Variants in CHRM5 observed in about 807,000 individuals in gnomAD.
The protein encoded by CHRM5 is muscarinic acetylcholine receptor M5.
In CHRM5, 18 loss-of-function variants were observed where a neutral mutation model predicts 39.0. The observed-to-expected ratio is 0.46, with a 90% CI of 0.32 to 0.68. The LOEUF (loss-of-function observed/expected upper bound fraction) is 0.68, where lower values mean the gene tolerates loss of function less well. Ranked by LOEUF, CHRM5 falls within the 30% of genes least tolerant of loss-of-function variation. The pLI, the probability that CHRM5 is intolerant of heterozygous loss-of-function variation, is 0.04. For missense variants in CHRM5, 515 were observed against 651.1 expected, an observed-to-expected ratio of 0.79 and a Z score of 2.28; for synonymous variants, 241 against 246.3, an observed-to-expected ratio of 0.98 and a Z score of 0.20.
chr15:33,987,801 C>G (rs73385793), intron 1 of CHRM5, among the ~76,000 whole-genome samples: 1 of 152,160 alleles, frequency 6.6e-6, no homozygotes, highest in Non-Finnish European at 1.5e-5. Context: ...TCATAATCAG[C>G]GCTGCATGCA....
At chr15:34,009,851 T>C (rs911808507) in intron 1 of CHRM5, among the ~76,000 whole-genome samples, 2 of 152,074 alleles carry the variant, frequency 1.3e-5, no homozygotes, top group Non-Finnish European at 2.9e-5. Flanking sequence ...TAGCTGAGCA[T>C]GGTGGCATGA....
intron 1 of CHRM5, among the ~76,000 whole-genome samples, chr15:33,969,771 G>A (rs1474756453): frequency 6.6e-6 from 1 of 151,980 alleles, no homozygotes; most frequent in East Asian, 1.9e-4. Context: ...TTCAACAAGA[G>A]GATAAAAAGA....
In CHRM5 at chr15:33,983,200, G is replaced by GTATATATA. The variant is rs769965010; in HGVS notation, c.-408+14057_-408+14064dup. Among the ~76,000 whole-genome samples the GTATATATA allele has an allele frequency of 9.4e-5, 6 of 63,960 alleles. No homozygotes were observed. The East Asian group carries it at 2.2e-3, about 24-fold the overall frequency. 42.0% of individuals were successfully genotyped at this position (63,960 alleles called of 152,430 possible). A position where few individuals can be genotyped will look rare whatever the true frequency, so the allele number is the denominator to read the frequency against. On this transcript the variant is annotated intron_variant, in intron 1 of 2. Transcript: ENST00000383263. ...TATACACACGTGTGTGTATGTGTGTGTATATATATATATACATATATATAC... is the reference window on the plus strand; with the variant it reads ...TATACACACGTGTGTGTATGTGTGTGTATATATATATATATATATATACATATATATAC...
chr15:34,002,920 CA>C (rs1256057338), intron 1 of CHRM5: 1 of 1,033,796 alleles, frequency 9.7e-7, no homozygotes, highest in Non-Finnish European at 1.4e-6. Context: ...ATTAAAAATC[CA>C]AAGAACAAAG....
chr15:34,062,894 C>T lies in CHRM5; in HGVS notation c.177C>T (p.Ser59=). 6.2e-7 allele frequency: 1 copy of T among 1,614,168 alleles called. No individual in the cohort carries two copies. The highest frequency in any genetic ancestry group is 1.1e-5 in the South Asian group (1 of 91,084). The change falls in exon 3 of 3, where the codon AGC becomes AGT. Residue 59 remains serine, a synonymous_variant. Coordinates refer to ENST00000383263, the MANE Select transcript of CHRM5 (RefSeq NM_012125.4). The part of the protein sequence containing the change: ...VLVMISFKVN[S]QLKTVNNYYL... ...TCATGATCTCCTTCAAAGTCAACAG[C>T]CAGCTCAAGACAGTTAACAACTATT...
chr15:34,010,275 G>A (rs187160219), intron 1 of CHRM5, among the ~76,000 whole-genome samples: 179 of 152,042 alleles, frequency 1.2e-3, no homozygotes, highest in Non-Finnish European at 1.3e-3. Context: ...CCTATGAACA[G>A]TATATTTGGA....
chr15:34,017,134 G>A (rs8030334), intron 1 of CHRM5, among the ~76,000 whole-genome samples: 77,363 of 130,648 alleles, frequency 0.59, 22,843 homozygotes, highest in African/African-American at 0.84. Flanking sequence ...TCTCAAGGGG[G>A]AAAAAAAAAG....
chr15:33,980,224 T>C (rs746998915), intron 1 of CHRM5, among the ~76,000 whole-genome samples: 43 of 152,144 alleles, frequency 2.8e-4, no homozygotes, highest in Non-Finnish European at 5.1e-4. Flanking sequence ...AGTTCTTATT[T>C]AGGAATTATA....
At chr15:33,969,312 C>A (rs1471843936) in intron 1 of CHRM5, among the ~76,000 whole-genome samples, 162 bp downstream of exon 1, 9 of 151,898 alleles carry the variant, frequency 5.9e-5, no homozygotes, top group Admixed American at 2.6e-4. Context: ...GCTGCATAAA[C>A]AAGTCACTCA....
At position 34,031,004 on chromosome 15, in the gene CHRM5, T is replaced by C. The variant is rs116058865; in HGVS notation, c.-407-15536T>C. ...AGAAATCCAAAATAGATGACTATGT[T>C]CGTTTCACAGAATATACATCTATTA... On this transcript the variant is annotated intron_variant, in intron 1 of 2. Coordinates refer to ENST00000383263, the MANE Select transcript of CHRM5 (RefSeq NM_012125.4). 4.8e-3 allele frequency among the ~76,000 whole-genome samples: 734 copies of C among 152,268 alleles called. 10 individuals are homozygous for C. Among genetic ancestry groups the C allele is most frequent in the African/African-American group, 0.017 (702 of 41,546 alleles).
At position 34,063,458 on chromosome 15, in the gene CHRM5, G is replaced by A. The variant is rs1900417158; in HGVS notation, c.741G>A (p.Arg247=). The A allele has an allele frequency of 6.2e-7, 1 of 1,613,834 alleles. No homozygotes were observed. ...CTGAGAAGAGAAAGCCAGCTCATAG[G>A]GCTCTGTTCAGATCCTGCTTGCGCT... ...TKAEKRKPAH[R]ALFRSCLRCP... Residue 247 remains arginine, a synonymous_variant, in exon 3 of 3, where the codon AGG becomes AGA. Transcript: ENST00000383263. This position sits in a 1 kb window ranked among gnomAD's most constrained non-coding sequence, Gnocchi z 4.1.
intron 1 of CHRM5, among the ~76,000 whole-genome samples, chr15:34,013,143 C>G (rs1897707106): frequency 6.6e-6 from 1 of 151,982 alleles, no homozygotes; most frequent in African/African-American, 2.4e-5. Context: ...CTCACTGCAA[C>G]CTCTGCCTCC....
chr15:33,997,045 G>A (rs1896965367), intron 1 of CHRM5, among the ~76,000 whole-genome samples: 2 of 152,162 alleles, frequency 1.3e-5, no homozygotes, highest in Admixed American at 1.3e-4. Flanking sequence ...CATGGCACAA[G>A]AATGTAGCAA....
chr15:33,989,942 A>G (rs2140563851), intron 1 of CHRM5, among the ~76,000 whole-genome samples: 1 of 151,306 alleles, frequency 6.6e-6, no homozygotes, highest in African/African-American at 2.4e-5. Context: ...TCAGTGGCTC[A>G]CCTCTAATCC....
At chr15:34,025,027 T>TG (rs1441575437) in intron 1 of CHRM5, among the ~76,000 whole-genome samples, 1 of 149,722 alleles carries the variant, frequency 6.7e-6, no homozygotes, top group Admixed American at 6.7e-5. Context: ...AAAAATTAGC[T>TG]GGGCATGGTG....
intron 2 of CHRM5, 73 bp from the exon 3 acceptor site, chr15:34,062,570 A>AG (rs1900373951): frequency 2.9e-6 from 2 of 691,462 alleles, no homozygotes; most frequent in Non-Finnish European, 4.6e-6. Context: ...AAAAAAAAAA[A>AG]AAAACTATAA....
intron 1 of CHRM5, among the ~76,000 whole-genome samples, chr15:33,982,563 A>C (rs573741014): frequency 6.6e-6 from 1 of 152,234 alleles, no homozygotes; most frequent in Non-Finnish European, 1.5e-5. Flanking sequence ...GCACTGCCAA[A>C]TCTTGATCCT....
At chr15:34,002,787 T>C (rs182680392) in intron 1 of CHRM5, among the ~76,000 whole-genome samples, 5 of 152,322 alleles carry the variant, frequency 3.3e-5, no homozygotes, top group Admixed American at 6.5e-5. Flanking sequence ...TTTCCACTTA[T>C]AGAAAGCCTT....
chr15:34,006,220 A>G (rs1251522002), intron 1 of CHRM5, among the ~76,000 whole-genome samples: 2 of 152,040 alleles, frequency 1.3e-5, no homozygotes, highest in Non-Finnish European at 2.9e-5. Flanking sequence ...CTGAGGCAGG[A>G]GAATGGCGTG....
Sources: allele counts gnomAD v4.1 joint callset (sites outside exome capture counted in the v4.1 genomes callset), GRCh38; gene constraint gnomAD v4.1.1; non-coding constraint Gnocchi (gnomAD v3.1); transcripts MANE v1.5; gene names NCBI Gene and HGNC (gene_info 2026-07-23, HGNC 2026-07-21).